Variants in MGAT3 observed in about 807,000 individuals in gnomAD.
The protein encoded by MGAT3 is beta-1,4-mannosyl-glycoprotein 4-beta-N-acetylglucosaminyltransferase.
MGAT3 carries 9 observed loss-of-function variants against 29.8 expected under a neutral mutation model. That is an observed-to-expected ratio of 0.30 (90% CI 0.18 to 0.53). The LOEUF is 0.53. Ranked by LOEUF, MGAT3 falls within the 20% of genes least tolerant of loss-of-function variation. The probability of loss-of-function intolerance (pLI) is 0.96; values close to 1 mark genes in which losing one functional copy is unlikely to be tolerated. For synonymous variants in MGAT3, 397 were observed against 348.9 expected, an observed-to-expected ratio of 1.14 and a Z score of -1.54; for missense variants, 557 against 769.5, an observed-to-expected ratio of 0.72 and a Z score of 3.27.
Position 39,457,185 on chromosome 22 carries a change from C to A in MGAT3, c.-374C>A, listed in dbSNP as rs941326190. ...GAGGGGGCGGGGTGGGGGCCGGAGC[C>A]GCTTGAGCCGGCGGGAGCGGGCACC... is the stretch of plus-strand genomic sequence containing the variant. On this transcript the variant is annotated 5_prime_UTR_variant, in exon 1 of 2. Transcript: ENST00000341184. The surrounding 1 kb of genome is among the most constrained non-coding windows in gnomAD (Gnocchi z 6.8). 1.9e-3 allele frequency among the ~76,000 whole-genome samples: 281 copies of A among 144,520 alleles called. No individual in the cohort carries two copies. Among genetic ancestry groups the A allele is most frequent in the African/African-American group, 6.8e-3 (275 of 40,362 alleles). 94.8% of individuals were successfully genotyped at this position (144,520 alleles called of 152,430 possible).
intron 1 of MGAT3, among the ~76,000 whole-genome samples, chr22:39,484,260 A>G (rs1366137592): frequency 1.3e-5 from 2 of 152,242 alleles, no homozygotes; most frequent in East Asian, 1.9e-4. Context: ...AGCCTTGAGC[A>G]TTGAAGGGAA....
intron 1 of MGAT3, among the ~76,000 whole-genome samples, chr22:39,459,501 T>C (rs915793349): frequency 6.6e-6 from 1 of 152,140 alleles, no homozygotes; most frequent in African/African-American, 2.4e-5. Flanking sequence ...TCTCACTCTG[T>C]GATCCAAGCT....
At position 39,488,896 on chromosome 22, in the gene MGAT3, G is replaced by T. The variant is rs367803944; in HGVS notation, c.1549G>T (p.Gly517Cys). 23 of 1,601,112 alleles carry T rather than the reference G, an allele frequency of 1.4e-5. No homozygotes were observed. The highest frequency in any genetic ancestry group is 1.9e-5 in the Non-Finnish European group (22 of 1,174,526). Residue 517 changes from glycine (G) to cysteine (C), a missense_variant, in exon 2 of 2, where the codon GGT (glycine) becomes TGT (cysteine). By Grantham distance (159) the Gly-to-Cys change is radical (BLOSUM62 -3). This residue lies in a region of MGAT3 where 102 missense variants were observed against 97.0 expected (regional missense o/e 1.05). Transcript: ENST00000341184. ...GGCGGCGGGCGGGTGGCGCCACAGG[G>T]GTCCCGAGGGAAGGCCGCCCGCCCG... ...STAAGGWRHR[G>C]PEGRPPARGK...
chr22:39,477,768 A>T (rs1398087538), intron 1 of MGAT3: 1 of 152,262 alleles, frequency 6.6e-6, no homozygotes, highest in Non-Finnish European at 1.5e-5. Flanking sequence ...ATTCAAACCA[A>T]ATCCTCCAGA....
In MGAT3 at chr22:39,491,781, G is replaced by C. The variant is rs1220490547; in HGVS notation, c.*2832G>C. 2 of 167,066 alleles carry C rather than the reference G, an allele frequency of 1.2e-5. No individual in the cohort carries two copies. The highest frequency in any genetic ancestry group is 2.4e-5 in the African/African-American group (1 of 41,384). The allele number at this position is 167,066 out of a possible 1,614,324, so 10.3% of individuals were successfully genotyped here. Reference sequence around the variant, plus strand: ...CCTCAATATGAAGGGAAACCAAGCTGAATGTGACCACCGGCACACTGCTGC... The same window carrying C: ...CCTCAATATGAAGGGAAACCAAGCTCAATGTGACCACCGGCACACTGCTGC... On this transcript the variant is annotated 3_prime_UTR_variant, in exon 2 of 2. Coordinates refer to ENST00000341184, the MANE Select transcript of MGAT3 (RefSeq NM_002409.5). The surrounding 1 kb of genome is among the most constrained non-coding windows in gnomAD (Gnocchi z 5.5).
chr22:39,487,649 C>G lies in MGAT3; in HGVS notation c.302C>G (p.Pro101Arg). ...CTCCACCGGGTGGACTTGGTGCTGC[C>G]CGAGGACACCACCGAGTATTTCGTG... ...EELHRVDLVLPEDTTEYFVRT... is the reference protein window; with the variant it reads ...EELHRVDLVLREDTTEYFVRT... The change falls in exon 2 of 2, where the codon CCC becomes CGC. Residue 101 changes from proline to arginine, a missense_variant. Transcript: ENST00000341184. This position sits in a 1 kb window ranked among gnomAD's most constrained non-coding sequence, Gnocchi z 5.7. The G allele has an allele frequency of 6.2e-7, 1 of 1,610,590 alleles. No homozygotes were observed. The highest frequency in any genetic ancestry group is 8.5e-7 in the Non-Finnish European group (1 of 1,178,736).
chr22:39,466,591 G>A (rs1461068118), intron 1 of MGAT3, among the ~76,000 whole-genome samples: 1 of 152,158 alleles, frequency 6.6e-6, no homozygotes, highest in East Asian at 1.9e-4. Context: ...CTGCCCTCCT[G>A]AAGAGCCTGC....
At chr22:39,482,831 G>T (rs1228000589) in intron 1 of MGAT3, among the ~76,000 whole-genome samples, 1 of 152,182 alleles carries the variant, frequency 6.6e-6, no homozygotes, top group Admixed American at 6.5e-5. Flanking sequence ...ATTCTCAGCA[G>T]CAACCCAGAC....
chr22:39,461,913 T>C (rs1928509635), intron 1 of MGAT3, among the ~76,000 whole-genome samples: 1 of 152,104 alleles, frequency 6.6e-6, no homozygotes, highest in Non-Finnish European at 1.5e-5. Context: ...TCTTTTTTTT[T>C]TTTCTTTTGA....
chr22:39,463,518 C>G (rs61293050), intron 1 of MGAT3, among the ~76,000 whole-genome samples: 5,522 of 152,296 alleles, frequency 0.036, 311 homozygotes, highest in African/African-American at 0.12. Flanking sequence ...GTCTCTGGAA[C>G]GCCTGCTCAA....
chr22:39,473,251 C>G (rs1928861804), intron 1 of MGAT3, among the ~76,000 whole-genome samples: 1 of 152,186 alleles, frequency 6.6e-6, no homozygotes, highest in Non-Finnish European at 1.5e-5. Flanking sequence ...AGAACTTTCT[C>G]ACGGATCTGG....
intron 1 of MGAT3, among the ~76,000 whole-genome samples, chr22:39,483,861 T>C (rs1324437653): frequency 6.6e-6 from 1 of 152,204 alleles, no homozygotes; most frequent in Non-Finnish European, 1.5e-5. Flanking sequence ...CCCAGATTGT[T>C]CTACCTGCCC....
intron 1 of MGAT3, among the ~76,000 whole-genome samples, chr22:39,470,247 G>A (rs1210269367): frequency 6.6e-6 from 1 of 152,210 alleles, no homozygotes; most frequent in African/African-American, 2.4e-5. Context: ...TGCGGGCGGG[G>A]GCAGCACTTC....
chr22:39,484,242 G>A (rs144538217), intron 1 of MGAT3, among the ~76,000 whole-genome samples: 16 of 152,304 alleles, frequency 1.1e-4, no homozygotes, highest in African/African-American at 3.6e-4. Flanking sequence ...ATTAAACTGC[G>A]GGCATCCAGC....
In MGAT3 at chr22:39,491,611, ACAG is replaced by A. The variant is rs997647869; in HGVS notation, c.*2669_*2671del. 6.0e-6 allele frequency: 1 copy of A among 166,992 alleles called. No homozygotes were observed. The highest frequency in any genetic ancestry group is 1.5e-5 in the Non-Finnish European group (1 of 68,306). The allele number at this position is 166,992 out of a possible 1,614,324, so 10.3% of individuals were successfully genotyped here. A position where few individuals can be genotyped will look rare whatever the true frequency, so the allele number is the denominator to read the frequency against. ...AGACCTGGTGGGGCAGGTCCTGTTC[ACAG>A]CAGCAGGAGTGAAGGCCTGGCCATC... On this transcript the variant is annotated 3_prime_UTR_variant, in exon 2 of 2. Coordinates refer to ENST00000341184, the MANE Select transcript of MGAT3 (RefSeq NM_002409.5). This position sits in a 1 kb window ranked among gnomAD's most constrained non-coding sequence, Gnocchi z 5.5.
At chr22:39,471,703 G>A (rs969906289) in intron 1 of MGAT3, among the ~76,000 whole-genome samples, 2 of 152,154 alleles carry the variant, frequency 1.3e-5, no homozygotes, top group South Asian at 4.1e-4. Context: ...GGGCCTTTCG[G>A]CAGCCCTCCA....
chr22:39,483,030 T>A (rs777848016), intron 1 of MGAT3, among the ~76,000 whole-genome samples: 8 of 152,238 alleles, frequency 5.3e-5, no homozygotes, highest in Non-Finnish European at 1.2e-4. Context: ...CCAAGCAGGC[T>A]GTTTCCTTGC....
intron 1 of MGAT3, among the ~76,000 whole-genome samples, chr22:39,473,310 A>G (rs1165196945): frequency 2.0e-5 from 3 of 152,168 alleles, no homozygotes; most frequent in Non-Finnish European, 4.4e-5. Flanking sequence ...GAGGGCCCTC[A>G]TGCTGCGTCA....
chr22:39,481,320 C>T (rs1188023213), intron 1 of MGAT3, among the ~76,000 whole-genome samples: 5 of 152,216 alleles, frequency 3.3e-5, no homozygotes, highest in Admixed American at 6.5e-5. Flanking sequence ...GACATAATGA[C>T]GCACTCGCTC....
Sources: allele counts gnomAD v4.1 joint callset (sites outside exome capture counted in the v4.1 genomes callset), GRCh38; gene constraint gnomAD v4.1.1; regional missense constraint gnomAD v4.1.1; non-coding constraint Gnocchi (gnomAD v3.1); transcripts MANE v1.5; gene names NCBI Gene and HGNC (gene_info 2026-07-23, HGNC 2026-07-21).